Variants in EPB41L5 observed in about 807,000 individuals in gnomAD.
EPB41L5 encodes band 4.1-like protein 5.
Under a neutral mutation model 106.6 loss-of-function variants are expected in EPB41L5, and 55 were observed. The observed-to-expected ratio is 0.52, with a 90% CI of 0.42 to 0.65. EPB41L5 has a LOEUF of 0.65. Among genes scored for constraint, EPB41L5 ranks in the 30% least tolerant of loss-of-function variants. The pLI, the probability that EPB41L5 is intolerant of heterozygous loss-of-function variation, is 0.00. For missense variants in EPB41L5, 871 were observed against 882.1 expected, an observed-to-expected ratio of 0.99 and a Z score of 0.16; for synonymous variants, 297 against 306.7, an observed-to-expected ratio of 0.97 and a Z score of 0.33.
chr2:120,042,588 G>C (rs973871133), intron 3 of EPB41L5, among the ~76,000 whole-genome samples: 1 of 152,140 alleles, frequency 6.6e-6, no homozygotes, highest in African/African-American at 2.4e-5. Context: ...TCTGACAAGA[G>C]AACAGCATAC....
chr2:120,102,591 G>C lies in EPB41L5; in HGVS notation c.1337+1777G>C, dbSNP rs185395678. 1.7e-4 allele frequency among the ~76,000 whole-genome samples: 26 copies of C among 152,276 alleles called. No individual in the cohort carries two copies. The East Asian group carries it at 5.0e-3, about 29-fold the overall frequency. ...ATAAAGCAGTCCTCCTTTAGAAAGT[G>C]ATAAATGGTTAAAATTTGGAAATGC... On this transcript the variant is annotated intron_variant, in intron 16 of 24. Transcript: ENST00000263713.
At chr2:120,041,984 A>G in intron 2 of EPB41L5, 22 bp from the exon 3 acceptor site, 2 of 1,554,228 alleles carry the variant, frequency 1.3e-6, no homozygotes, top group Non-Finnish European at 1.8e-6. Context: ...TTATTGATTT[A>G]CTTATTATCT....
intron 16 of EPB41L5, chr2:120,104,241 G>A (rs1354492861): frequency 9.1e-6 from 14 of 1,534,952 alleles, no homozygotes; most frequent in Middle Eastern, 1.7e-4. Context: ...TGAGATATGA[G>A]TGTTGAGCCT....
intron 2 of EPB41L5, among the ~76,000 whole-genome samples, chr2:120,020,495 A>G (rs1482050196): frequency 6.6e-6 from 1 of 152,222 alleles, no homozygotes; most frequent in Non-Finnish European, 1.5e-5. Context: ...ATCTTTGTCT[A>G]TAAGAATGTA....
At position 120,042,995 on chromosome 2, in the gene EPB41L5, A is replaced by ATGTGTGTG. The variant is rs60253351; in HGVS notation, c.285+931_285+938dup. On this transcript the variant is annotated intron_variant, in intron 3 of 24. Transcript: ENST00000263713. The stretch of plus-strand genomic sequence containing the variant: ...TGGCATTAAGCCTTTTTTTCTGGAA[A>ATGTGTGTG]TGTGTGTGTGTGTGTGTGTGTGTGT... 5.2e-3 allele frequency among the ~76,000 whole-genome samples: 364 copies of ATGTGTGTG among 70,082 alleles called. 3 individuals are homozygous for ATGTGTGTG. The highest frequency in any genetic ancestry group is 0.012 in the African/African-American group (341 of 27,454). 46.0% of individuals were successfully genotyped at this position (70,082 alleles called of 152,430 possible).
In EPB41L5 at chr2:120,167,506, C is replaced by T. The variant is rs778059154; in HGVS notation, c.2003C>T (p.Pro668Leu). Residue 668 changes from proline (P) to leucine (L), a missense_variant and splice_region_variant, in exon 23 of 25, where the codon CCG becomes CTG. Transcript: ENST00000263713. The part of the protein sequence containing the change: ...TSMITPRWIV[P>L]QSGAMSNGLA... The stretch of plus-strand genomic sequence containing the variant: ...ATGATCACACCCCGGTGGATTGTTC[C>T]GGTAAGTTCATGTTATTTGTGATTT... The T allele has an allele frequency of 6.8e-6, 11 of 1,613,466 alleles. No individual in the cohort carries two copies. Among genetic ancestry groups the T allele is most frequent in the South Asian group, 1.1e-5 (1 of 91,048 alleles).
intron 3 of EPB41L5, among the ~76,000 whole-genome samples, chr2:120,047,478 A>G (rs1679873332): frequency 2.0e-5 from 3 of 152,128 alleles, no homozygotes; most frequent in South Asian, 4.2e-4. Flanking sequence ...TGATTGGTGT[A>G]TAGGAATGCT....
intron 2 of EPB41L5, among the ~76,000 whole-genome samples, chr2:120,038,602 C>G (rs1183298617): frequency 6.6e-6 from 1 of 151,996 alleles, no homozygotes; most frequent in Non-Finnish European, 1.5e-5. Flanking sequence ...ACTAAAAATA[C>G]AAAAATTAGC....
At chr2:120,164,313 C>T (rs1687295293) in intron 21 of EPB41L5, among the ~76,000 whole-genome samples, 1 of 152,128 alleles carries the variant, frequency 6.6e-6, no homozygotes, top group African/African-American at 2.4e-5. Flanking sequence ...CTCCTGGGCT[C>T]AAGTGATCTT....
At chr2:120,095,885 G>C (rs1236170740) in intron 14 of EPB41L5, among the ~76,000 whole-genome samples, 2 of 152,020 alleles carry the variant, frequency 1.3e-5, no homozygotes, top group Non-Finnish European at 2.9e-5. Flanking sequence ...GGCCAGGCTG[G>C]TTTCGAACTC....
chr2:120,168,136 CTT>C (rs1687500373), intron 24 of EPB41L5, 129 bp downstream of exon 24: 1 of 1,083,668 alleles, frequency 9.2e-7, no homozygotes, highest in Admixed American at 2.9e-5. Context: ...TGGGGCAAAT[CTT>C]TTTTCTGTTT....
At position 120,167,927 on chromosome 2, in the gene EPB41L5, A is replaced by G. The variant is rs1261010375; in HGVS notation, c.2055A>G (p.Thr685=). ...TTGCGGGATGTGAAATGCTTTTGAC[A>G]GGGAAGGAGGGACATGGTAATAAAG... ...NGLAGCEMLL[T]GKEGHGNKDG... The change falls in exon 24 of 25, where the codon ACA becomes ACG. Residue 685 remains threonine, a synonymous_variant. Coordinates refer to ENST00000263713, the MANE Select transcript of EPB41L5 (RefSeq NM_020909.4). The G allele has an allele frequency of 6.2e-7, 1 of 1,614,152 alleles. No homozygotes were observed. Among genetic ancestry groups the G allele is most frequent in the Non-Finnish European group, 8.5e-7 (1 of 1,180,008 alleles).
chr2:120,046,205 A>G (rs1257249798), intron 3 of EPB41L5, among the ~76,000 whole-genome samples: 1 of 152,178 alleles, frequency 6.6e-6, no homozygotes, highest in Non-Finnish European at 1.5e-5. Context: ...TGGTATTTCT[A>G]GTTCTAGATC....
intron 12 of EPB41L5, among the ~76,000 whole-genome samples, 169 bp from the exon 13 acceptor site, chr2:120,091,386 C>T (rs903861912): frequency 5.3e-5 from 8 of 151,994 alleles, no homozygotes; most frequent in East Asian, 3.9e-4. Flanking sequence ...TCACAAAAGC[C>T]GAAAGAATGA....
At chr2:120,075,815 G>A in intron 7 of EPB41L5, 62 bp downstream of exon 7, 1 of 1,305,618 alleles carries the variant, frequency 7.7e-7, no homozygotes, top group Non-Finnish European at 1.1e-6. Context: ...TGTGTTTTTA[G>A]TTAAAGAAGA....
chr2:120,125,758 C>A (rs1469236717), intron 16 of EPB41L5, among the ~76,000 whole-genome samples: 9 of 151,898 alleles, frequency 5.9e-5, no homozygotes, highest in Non-Finnish European at 8.8e-5. Flanking sequence ...CACTTTTAGT[C>A]CTGTGCAGGT....
rs375645866 is a variant in EPB41L5 at position 120,018,952 on chromosome 2, TC to T, written c.-8-123del. 1.5e-3 allele frequency: 1,201 copies of T among 822,402 alleles called. 7 individuals carry two copies. In the African/African-American group the frequency reaches 0.019, roughly 13 times the overall value. The allele number at this position is 822,402 out of a possible 1,614,324, so 50.9% of individuals were successfully genotyped here. A position where few individuals can be genotyped will look rare whatever the true frequency, so the allele number is the denominator to read the frequency against. On this transcript the variant is annotated intron_variant, in intron 1 of 24. Coordinates refer to ENST00000263713, the MANE Select transcript of EPB41L5 (RefSeq NM_020909.4). The stretch of plus-strand genomic sequence containing the variant: ...TGAGTCACTGCACCCAGCCCAGGTG[TC>T]CTTTTTAGTAGCATTTCTACTAATG...
intron 3 of EPB41L5, among the ~76,000 whole-genome samples, chr2:120,071,547 A>G (rs1238320177): frequency 1.3e-5 from 2 of 152,222 alleles, no homozygotes; most frequent in African/African-American, 4.8e-5. Flanking sequence ...GGCTACAGTA[A>G]CCAAAACAAC....
intron 2 of EPB41L5, among the ~76,000 whole-genome samples, chr2:120,032,319 A>C (rs1331607188): frequency 6.6e-6 from 1 of 152,188 alleles, no homozygotes; most frequent in African/African-American, 2.4e-5. Context: ...TGGAGGTTGC[A>C]GTGAGCCGAG....
Sources: allele counts gnomAD v4.1 joint callset (sites outside exome capture counted in the v4.1 genomes callset), GRCh38; gene constraint gnomAD v4.1.1; transcripts MANE v1.5; gene names NCBI Gene and HGNC (gene_info 2026-07-23, HGNC 2026-07-21).